NOX4: variants seen among roughly 807,000 people sequenced by gnomAD.
The protein encoded by NOX4 is NADPH oxidase 4, also known as kidney oxidase-1.
Under a neutral mutation model 87.6 loss-of-function variants are expected in NOX4, and 69 were observed. The observed-to-expected ratio is 0.79, with a 90% CI of 0.65 to 0.96. The LOEUF is 0.96. Among genes scored for constraint, NOX4 ranks in the 40% least tolerant of loss-of-function variants. The pLI, the probability that NOX4 is intolerant of heterozygous loss-of-function variation, is 0.00. For missense variants in NOX4, 680 were observed against 681.5 expected, an observed-to-expected ratio of 1.00 and a Z score of 0.02; for synonymous variants, 275 against 238.2, an observed-to-expected ratio of 1.15 and a Z score of -1.42.
intron 4 of NOX4, among the ~76,000 whole-genome samples, chr11:89,448,087 C>T: frequency 6.6e-6 from 1 of 152,142 alleles, no homozygotes; most frequent in Non-Finnish European, 1.5e-5. Flanking sequence ...AGGTGCTATG[C>T]CACTGGAATA....
the NOX4 span, among the ~76,000 whole-genome samples, chr11:89,536,228 G>C: frequency 1.4e-5 from 2 of 138,602 alleles, no homozygotes; most frequent in African/African-American, 5.5e-5. Context: ...CTCACTGCAA[G>C]CTCCGCCTCC....
the NOX4 span, among the ~76,000 whole-genome samples, chr11:89,559,693 T>C: frequency 6.6e-6 from 1 of 152,168 alleles, no homozygotes; most frequent in Non-Finnish European, 1.5e-5. Context: ...ATGTAATTAA[T>C]TATGTTTATA....
rs115339707 is a variant in NOX4, at chr11:89,459,318, G to A, written c.154-7423C>T. Reference sequence around the variant, plus strand: ...CTTGAGGGTAGAGGGTGGGAGGAGCGTGACATTCAACAAACTATGTGGTAC... The same window carrying A: ...CTTGAGGGTAGAGGGTGGGAGGAGCATGACATTCAACAAACTATGTGGTAC... On this transcript the variant is annotated intron_variant, in intron 2 of 17. Coordinates refer to ENST00000263317, the MANE Select transcript of NOX4 (RefSeq NM_016931.5). 2.8e-3 allele frequency among the ~76,000 whole-genome samples: 420 copies of A among 152,062 alleles called. 2 individuals are homozygous for A. Among genetic ancestry groups the A allele is most frequent in the African/African-American group, 9.5e-3 (395 of 41,480 alleles).
intron 4 of NOX4, among the ~76,000 whole-genome samples, chr11:89,448,478 C>A (rs1440563741): frequency 6.6e-6 from 1 of 152,152 alleles, no homozygotes; most frequent in Non-Finnish European, 1.5e-5. Context: ...GATAAAGCTT[C>A]AGAAATTTTG....
At chr11:89,477,893 C>T (rs969190031) in intron 2 of NOX4, among the ~76,000 whole-genome samples, 3 of 152,088 alleles carry the variant, frequency 2.0e-5, no homozygotes, top group Admixed American at 6.5e-5. Context: ...ATAATATATA[C>T]TGTCATTGGC....
chr11:89,575,293 A>G, the NOX4 span, among the ~76,000 whole-genome samples: 3 of 151,988 alleles, frequency 2.0e-5, no homozygotes, highest in African/African-American at 7.2e-5. Context: ...TTTTACACTG[A>G]TATTTTAAAC....
rs994188528 is a variant in NOX4 at position 89,474,089 on chromosome 11, G to A, written c.153+16369C>T. On this transcript the variant is annotated intron_variant, in intron 2 of 17. Transcript: ENST00000263317. ...GCAGTTGTTGGGAAAATAACGTTTA[G>A]TTTGGTGCAAAATTAATTGCGGTTT... Among the ~76,000 whole-genome samples the A allele has an allele frequency of 7.9e-5, 12 of 152,234 alleles. No homozygotes were observed. The Middle Eastern group carries it at 0.01, about 129-fold the overall frequency.
chr11:89,508,943 AT>A, the NOX4 span, among the ~76,000 whole-genome samples: 1 of 151,930 alleles, frequency 6.6e-6, no homozygotes, highest in African/African-American at 2.4e-5. Context: ...CAGCACAGAG[AT>A]TTTTTTTAAA....
chr11:89,485,829 G>A (rs937938805), intron 2 of NOX4, among the ~76,000 whole-genome samples: 1 of 151,984 alleles, frequency 6.6e-6, no homozygotes, highest in Non-Finnish European at 1.5e-5. Context: ...TCTCTCAATA[G>A]ATTTTTTTTT....
chr11:89,327,127 T>C (rs1945252211), intron 17 of NOX4, among the ~76,000 whole-genome samples: 1 of 152,206 alleles, frequency 6.6e-6, no homozygotes, highest in Admixed American at 6.5e-5. Flanking sequence ...ATATGCTTAT[T>C]ATCAGGTAGA....
chr11:89,550,011 C>T, the NOX4 span, among the ~76,000 whole-genome samples: 1 of 152,038 alleles, frequency 6.6e-6, no homozygotes. Flanking sequence ...TGGGTATATG[C>T]CCGGTAATGG....
chr11:89,374,124 G>T (rs1939661378), intron 11 of NOX4, among the ~76,000 whole-genome samples: 2 of 152,074 alleles, frequency 1.3e-5, no homozygotes, highest in Admixed American at 1.3e-4. Flanking sequence ...CAAAATGAAA[G>T]AACAAAATTT....
chr11:89,558,718 G>A, the NOX4 span, among the ~76,000 whole-genome samples: 853 of 152,160 alleles, frequency 5.6e-3, 5 homozygotes, highest in African/African-American at 0.02. Flanking sequence ...GGCACAAATG[G>A]TAAGTCGGTA....
chr11:89,497,252 AAC>A (rs1447911980), intron 1 of NOX4, among the ~76,000 whole-genome samples: 1 of 152,190 alleles, frequency 6.6e-6, no homozygotes, highest in Non-Finnish European at 1.5e-5. Flanking sequence ...CACATCTATT[AAC>A]ACAGTAATTC....
chr11:89,455,472 CAGTGG>C (rs1385568648), intron 2 of NOX4, among the ~76,000 whole-genome samples: 1 of 152,080 alleles, frequency 6.6e-6, no homozygotes, highest in Non-Finnish European at 1.5e-5. Flanking sequence ...AGCCCTAACA[CAGTGG>C]TAGTTTTCAG....
chr11:89,394,344 A>G (rs1941330882), intron 11 of NOX4, among the ~76,000 whole-genome samples: 1 of 115,416 alleles, frequency 8.7e-6, no homozygotes, highest in Non-Finnish European at 1.7e-5. Flanking sequence ...GTTGAAAAAT[A>G]GTTTAAAAAA....
intron 13 of NOX4, among the ~76,000 whole-genome samples, chr11:89,351,585 T>C (rs546659649): frequency 2.0e-5 from 3 of 152,202 alleles, no homozygotes; most frequent in African/African-American, 7.2e-5. Context: ...TGGACTAATG[T>C]AGCTGGTCAC....
the NOX4 span, among the ~76,000 whole-genome samples, chr11:89,565,709 T>C: frequency 6.6e-6 from 1 of 151,632 alleles, no homozygotes; most frequent in Non-Finnish European, 1.5e-5. Context: ...GCATGTACCC[T>C]AAAACTTAAA....
intron 12 of NOX4, among the ~76,000 whole-genome samples, chr11:89,360,997 G>T (rs1242930229): frequency 6.6e-6 from 1 of 152,098 alleles, no homozygotes; most frequent in Non-Finnish European, 1.5e-5. Flanking sequence ...TTACACTGCT[G>T]ATGGGAATGT....
Sources: gnomAD v4.1 joint callset for allele counts (sites outside exome capture counted in the v4.1 genomes callset) on GRCh38, gnomAD v4.1.1 for gene constraint, MANE v1.5 for transcripts, NCBI Gene and HGNC (gene_info 2026-07-23, HGNC 2026-07-21) for gene names.